Variants in PCDHGA2 observed in about 807,000 individuals in gnomAD.
PCDHGA2 encodes protocadherin gamma subfamily A, 2, also known as protocadherin gamma-A2.
PCDHGA2 carries 40 observed loss-of-function variants against 59.2 expected under a neutral mutation model. That is an observed-to-expected ratio of 0.68 (90% CI 0.52 to 0.88). The LOEUF (loss-of-function observed/expected upper bound fraction) is 0.88. Ranked by LOEUF, PCDHGA2 falls within the 40% of genes least tolerant of loss-of-function variation. The pLI, the probability that PCDHGA2 is intolerant of heterozygous loss-of-function variation, is 0.00. For missense variants in PCDHGA2, 1,226 were observed against 1,204.0 expected, an observed-to-expected ratio of 1.02 and a Z score of -0.27; for synonymous variants, 560 against 526.0, an observed-to-expected ratio of 1.06 and a Z score of -0.89.
At position 141,430,969 on chromosome 5, in the gene PCDHGA2, T is replaced by C. The variant is rs560722324; in HGVS notation, c.2425-63838T>C. The C allele has an allele frequency of 1.5e-4, 246 of 1,613,012 alleles. 3 individuals carry two copies. The South Asian group carries it at 2.6e-3, about 17-fold the overall frequency. The stretch of plus-strand genomic sequence containing the variant: ...GCGGAGTCCGCATCATCCCCAGAGG[T>C]AGGACGCAGCTTTTCGCCCTGAATC... On this transcript the variant is annotated intron_variant, in intron 1 of 3. Transcript: ENST00000394576.
At chr5:141,443,874 A>G (rs2098409122) in intron 1 of PCDHGA2, among the ~76,000 whole-genome samples, 1 of 152,190 alleles carries the variant, frequency 6.6e-6, no homozygotes, top group Non-Finnish European at 1.5e-5. Flanking sequence ...AATTACTGAT[A>G]AGTCAAGAGA....
At position 141,485,074 on chromosome 5, in the gene PCDHGA2, G is replaced by T. The variant is rs2099606548; in HGVS notation, c.2425-9733G>T. On this transcript the variant is annotated intron_variant, in intron 1 of 3. Transcript: ENST00000394576. The surrounding 1 kb of genome is among the most constrained non-coding windows in gnomAD (Gnocchi z 5.7). ...GGCCGAACCGCGCCAGAGCTGGCGCGGGGAAAGGGAGATAGGTGTCTCCAG... is the reference window on the plus strand; with the variant it reads ...GGCCGAACCGCGCCAGAGCTGGCGCTGGGAAAGGGAGATAGGTGTCTCCAG... The T allele has an allele frequency of 2.2e-6, 2 of 926,946 alleles. No homozygotes were observed. The highest frequency in any genetic ancestry group is 3.4e-6 in the Non-Finnish European group (2 of 596,630). 57.4% of individuals were successfully genotyped at this position (926,946 alleles called of 1,614,324 possible). A position where few individuals can be genotyped will look rare whatever the true frequency, so the allele number is the denominator to read the frequency against.
chr5:141,494,899 C>T, intron 2 of PCDHGA2, 34 bp downstream of exon 2: 1 of 1,614,116 alleles, frequency 6.2e-7, no homozygotes, highest in Non-Finnish European at 8.5e-7. Context: ...ACCCTCTTCT[C>T]TGCGGCATTT....
chr5:141,478,678 C>T (rs3805695), intron 1 of PCDHGA2: 273,671 of 1,551,084 alleles, frequency 0.18, 26,385 homozygotes, highest in African/African-American at 0.39. Context: ...TTCAACTGGC[C>T]CTTCCTAGAT....
intron 1 of PCDHGA2, chr5:141,479,198 GA>G (rs1288699377): frequency 6.6e-6 from 1 of 152,304 alleles, no homozygotes; most frequent in African/African-American, 2.4e-5. Context: ...AGAAAATACA[GA>G]AAAGTATTTA....
intron 1 of PCDHGA2, among the ~76,000 whole-genome samples, chr5:141,482,052 T>G (rs2099551017): frequency 6.7e-6 from 1 of 150,154 alleles, no homozygotes; most frequent in Non-Finnish European, 1.5e-5. Flanking sequence ...GCTGTTGCAT[T>G]CCAGCCTGGG....
intron 1 of PCDHGA2, chr5:141,342,425 A>G (rs1757159816): frequency 6.6e-6 from 1 of 152,190 alleles, no homozygotes; most frequent in Admixed American, 6.5e-5. Context: ...CTAATGTTCT[A>G]TGTAACTGGC....
intron 1 of PCDHGA2, chr5:141,375,036 G>GT (rs747497967): frequency 1.9e-6 from 3 of 1,614,002 alleles, no homozygotes; most frequent in Non-Finnish European, 2.5e-6. Flanking sequence ...TATGAGCTGG[G>GT]TGTTGAAGCC....
intron 1 of PCDHGA2, chr5:141,390,308 T>A (rs768472507): frequency 1.2e-6 from 2 of 1,613,092 alleles, no homozygotes; most frequent in African/African-American, 2.7e-5. Context: ...TATAATTTAA[T>A]GCTCATTGCC....
intron 1 of PCDHGA2, among the ~76,000 whole-genome samples, chr5:141,381,134 C>T (rs1034042035): frequency 2.0e-5 from 3 of 152,196 alleles, no homozygotes; most frequent in African/African-American, 7.2e-5. Context: ...GGAGCAATGC[C>T]ACCAGAAAGC....
At chr5:141,366,925 T>G in intron 1 of PCDHGA2, 1 of 999,204 alleles carries the variant, frequency 1.0e-6, no homozygotes, top group Non-Finnish European at 1.4e-6. Context: ...TCAAATTCTG[T>G]TTTGGGAAGT....
rs192995605 is a variant in PCDHGA2 at position 141,395,094 on chromosome 5, G to C, written c.2424+53699G>C. 2.2e-4 allele frequency: 348 copies of C among 1,614,160 alleles called. 5 individuals carry two copies. The East Asian group carries it at 7.6e-3, about 35-fold the overall frequency. ...CTATTCCCAGGAAGTCTCCCTCACC[G>C]CCGACTCGCGGAAGAGTCACCTGAT... On this transcript the variant is annotated intron_variant, in intron 1 of 3. Transcript: ENST00000394576.
rs767892593 is a variant in PCDHGA2, at chr5:141,400,152, T to C, written c.2424+58757T>C. 8 of 1,614,064 alleles carry C rather than the reference T, an allele frequency of 5.0e-6. 1 individual carries two copies. In the South Asian group the frequency reaches 6.6e-5, roughly 13 times the overall value. Reference sequence around the variant, plus strand: ...TGCTGCCGGATATCACTGACCGCCCTGTACCCTCTGACCCCCAGGCTGAGC... The same window carrying C: ...TGCTGCCGGATATCACTGACCGCCCCGTACCCTCTGACCCCCAGGCTGAGC... On this transcript the variant is annotated intron_variant, in intron 1 of 3. Transcript: ENST00000394576.
Position 141,489,515 on chromosome 5 carries a change from G to C in PCDHGA2, c.2425-5292G>C, listed in dbSNP as rs983415025. On this transcript the variant is annotated intron_variant, in intron 1 of 3. Coordinates refer to ENST00000394576, the MANE Select transcript of PCDHGA2 (RefSeq NM_018915.4). The surrounding 1 kb of genome is among the most constrained non-coding windows in gnomAD (Gnocchi z 4.5). ...CTGGCAGTGAATCAAAAGATTGACC[G>C]AGAAAGCCTATGTGGAGCCAGCACC... 1 of 1,614,104 alleles carries C rather than the reference G, an allele frequency of 6.2e-7. No individual in the cohort carries two copies. The highest frequency in any genetic ancestry group is 8.5e-7 in the Non-Finnish European group (1 of 1,180,034).
chr5:141,501,439 C>G (rs1245306644), intron 2 of PCDHGA2, among the ~76,000 whole-genome samples: 1 of 151,978 alleles, frequency 6.6e-6, no homozygotes, highest in Non-Finnish European at 1.5e-5. Context: ...TCCATTTCTT[C>G]CATTTTTACT....
intron 1 of PCDHGA2, among the ~76,000 whole-genome samples, chr5:141,382,019 G>T (rs1777875192): frequency 6.6e-6 from 1 of 151,628 alleles, no homozygotes; most frequent in South Asian, 2.1e-4. Flanking sequence ...AGTAGAGACG[G>T]GGTTTCTCCA....
rs762196264 is a variant in PCDHGA2, at chr5:141,364,884, G to A, written c.2424+23489G>A. The stretch of plus-strand genomic sequence containing the variant: ...CACTTCTCTCTGGATGTGGTAAGCG[G>A]AACTGATGGACAAAAGTATCCGGAG... On this transcript the variant is annotated intron_variant, in intron 1 of 3. Transcript: ENST00000394576. 1.9e-6 allele frequency: 3 copies of A among 1,613,884 alleles called. No individual in the cohort carries two copies. The Admixed American group carries it at 5.0e-5, about 27-fold the overall frequency.
At chr5:141,353,236 C>T (rs937859074) in intron 1 of PCDHGA2, among the ~76,000 whole-genome samples, 4 of 152,144 alleles carry the variant, frequency 2.6e-5, no homozygotes, top group African/African-American at 9.7e-5. Flanking sequence ...TTAGTAATAG[C>T]AGTGCCTTTT....
At chr5:141,374,162 G>A in intron 1 of PCDHGA2, 3 of 1,612,514 alleles carry the variant, frequency 1.9e-6, no homozygotes, top group Admixed American at 1.7e-5. Context: ...GTGGGGGGCC[G>A]CGGCAGCGCA....
Sources: allele counts gnomAD v4.1 joint callset (sites outside exome capture counted in the v4.1 genomes callset), GRCh38; gene constraint gnomAD v4.1.1; non-coding constraint Gnocchi (gnomAD v3.1); transcripts MANE v1.5; gene names NCBI Gene and HGNC (gene_info 2026-07-23, HGNC 2026-07-21).